Variants in LRRTM4 observed in about 807,000 individuals in gnomAD.
LRRTM4 encodes leucine rich repeat transmembrane neuronal 4, also known as leucine-rich repeat transmembrane neuronal protein 4.
In LRRTM4, 25 loss-of-function variants were observed where a neutral mutation model predicts 47.6. The ratio of observed to expected loss-of-function variants is 0.53; its 90% confidence interval spans 0.38 to 0.73. LRRTM4 has a LOEUF of 0.73. Ranked by LOEUF, LRRTM4 falls within the 30% of genes least tolerant of loss-of-function variation. The probability of loss-of-function intolerance (pLI) is 0.00; values close to 1 mark genes in which losing one functional copy is unlikely to be tolerated. For synonymous variants in LRRTM4, 311 were observed against 269.5 expected, an observed-to-expected ratio of 1.15 and a Z score of -1.51; for missense variants, 638 against 713.4, an observed-to-expected ratio of 0.89 and a Z score of 1.20.
At chr2:77,273,765 C>A (rs1193459313) in intron 3 of LRRTM4, among the ~76,000 whole-genome samples, 1 of 152,094 alleles carries the variant, frequency 6.6e-6, no homozygotes, top group East Asian at 1.9e-4. Flanking sequence ...ATTTTTGACG[C>A]CATTTAGAAA....
chr2:77,358,262 T>G (rs1295041759), intron 3 of LRRTM4, among the ~76,000 whole-genome samples: 2 of 152,172 alleles, frequency 1.3e-5, no homozygotes, highest in Non-Finnish European at 2.9e-5. Flanking sequence ...CTGGCTTCTT[T>G]GCTGAGTAAA....
chr2:77,175,844 G>A (rs1459772165), intron 3 of LRRTM4, among the ~76,000 whole-genome samples: 8 of 152,096 alleles, frequency 5.3e-5, no homozygotes, highest in Non-Finnish European at 1.2e-4. Flanking sequence ...ATATTTAGCA[G>A]AGACGGGTTT....
At chr2:77,173,782 CT>C (rs373401625) in intron 3 of LRRTM4, among the ~76,000 whole-genome samples, 81 of 152,226 alleles carry the variant, frequency 5.3e-4, no homozygotes, top group African/African-American at 1.9e-3. Flanking sequence ...ACACATTCCC[CT>C]GTTCCATCAG....
At chr2:77,499,525 C>A (rs1678492230) in intron 3 of LRRTM4, among the ~76,000 whole-genome samples, 1 of 151,880 alleles carries the variant, frequency 6.6e-6, no homozygotes, top group African/African-American at 2.4e-5. Flanking sequence ...CATTAGCTGC[C>A]TAGTTCTGCA....
chr2:77,265,073 A>G (rs75401380), intron 3 of LRRTM4, among the ~76,000 whole-genome samples: 8,778 of 152,170 alleles, frequency 0.058, 908 homozygotes, highest in African/African-American at 0.2. Flanking sequence ...AAGGGCGATC[A>G]TGTCACTATA....
chr2:77,502,068 G>A lies in LRRTM4; in HGVS notation c.1551+16250C>T, dbSNP rs12105402. Among the ~76,000 whole-genome samples the A allele has an allele frequency of 8.6e-3, 1,296 of 151,186 alleles. 24 individuals are homozygous for A. The highest frequency in any genetic ancestry group is 0.03 in the African/African-American group (1,231 of 41,378). ...TAAATTTGCTTATCCTGAAAATGTC[G>A]AAAACACTACCAAAACAGAATTGGA... On this transcript the variant is annotated intron_variant, in intron 3 of 3. Coordinates refer to ENST00000409884, the MANE Select transcript of LRRTM4 (RefSeq NM_001134745.3).
chr2:76,789,516 CATA>C (rs1356232823), intron 3 of LRRTM4, among the ~76,000 whole-genome samples: 1 of 152,152 alleles, frequency 6.6e-6, no homozygotes, highest in Non-Finnish European at 1.5e-5. Flanking sequence ...AATTCAAAAA[CATA>C]ATGAGGGTTT....
intron 3 of LRRTM4, among the ~76,000 whole-genome samples, chr2:77,281,594 T>G (rs144442147): frequency 3.8e-4 from 58 of 151,958 alleles, no homozygotes; most frequent in African/African-American, 1.3e-3. Flanking sequence ...ACCAATCACA[T>G]TTGTGCTTTG....
At chr2:76,807,081 T>A (rs1676007222) in intron 3 of LRRTM4, among the ~76,000 whole-genome samples, 1 of 152,010 alleles carries the variant, frequency 6.6e-6, no homozygotes, top group Admixed American at 6.6e-5. Flanking sequence ...TGCTTCTACA[T>A]TCATGGGTGT....
chr2:77,240,480 A>AT (rs1369694032), intron 3 of LRRTM4, among the ~76,000 whole-genome samples: 1 of 152,012 alleles, frequency 6.6e-6, no homozygotes, highest in Non-Finnish European at 1.5e-5. Context: ...CTATACTAAC[A>AT]TACCTAAGAG....
intron 3 of LRRTM4, among the ~76,000 whole-genome samples, chr2:76,799,447 T>A (rs993902913): frequency 7.2e-6 from 1 of 138,094 alleles, no homozygotes; most frequent in African/African-American, 2.7e-5. Flanking sequence ...TGATGGGACG[T>A]ATCTCAAAAT....
At chr2:77,113,859 T>C (rs553627357) in intron 3 of LRRTM4, among the ~76,000 whole-genome samples, 1 of 152,136 alleles carries the variant, frequency 6.6e-6, no homozygotes, top group Admixed American at 6.5e-5. Flanking sequence ...CAGAGGCAAA[T>C]GCTGCAAAGG....
At chr2:76,797,782 C>A (rs9679622) in intron 3 of LRRTM4, among the ~76,000 whole-genome samples, 66,646 of 147,472 alleles carry the variant, frequency 0.45, 16,713 homozygotes, top group East Asian at 0.67. Flanking sequence ...TCTACCAAGC[C>A]AATGGAAAAC....
chr2:77,261,645 A>C (rs1447811445), intron 3 of LRRTM4, among the ~76,000 whole-genome samples: 1 of 152,022 alleles, frequency 6.6e-6, no homozygotes, highest in Admixed American at 6.6e-5. Flanking sequence ...CCAGGATCTA[A>C]CAGGATGCCT....
At chr2:76,749,086 T>C (rs1672755922) in intron 3 of LRRTM4, among the ~76,000 whole-genome samples, 170 bp from the exon 4 acceptor site, 1 of 152,244 alleles carries the variant, frequency 6.6e-6, no homozygotes, top group Non-Finnish European at 1.5e-5. Context: ...TAACTCAATA[T>C]TGTTTTGTCA....
intron 3 of LRRTM4, among the ~76,000 whole-genome samples, chr2:77,227,192 A>C (rs1674838992): frequency 6.6e-6 from 1 of 152,048 alleles, no homozygotes; most frequent in South Asian, 2.1e-4. Flanking sequence ...ATCTCCCTTA[A>C]GAATTTAACA....
At chr2:77,061,541 T>C (rs1405603749) in intron 3 of LRRTM4, among the ~76,000 whole-genome samples, 1 of 152,134 alleles carries the variant, frequency 6.6e-6, no homozygotes. Flanking sequence ...ATGACAAACA[T>C]TCAAATCTCT....
At chr2:77,272,123 T>C (rs1047941974) in intron 3 of LRRTM4, among the ~76,000 whole-genome samples, 4 of 152,190 alleles carry the variant, frequency 2.6e-5, no homozygotes, top group African/African-American at 9.6e-5. Flanking sequence ...GTGAGCATTA[T>C]AATCATTCCC....
intron 3 of LRRTM4, among the ~76,000 whole-genome samples, chr2:77,113,202 G>A (rs1458735676): frequency 6.6e-6 from 1 of 152,144 alleles, no homozygotes; most frequent in Non-Finnish European, 1.5e-5. Flanking sequence ...ATTTAGCTGA[G>A]CCTGCAGACG....
Sources: allele counts gnomAD v4.1 joint callset (sites outside exome capture counted in the v4.1 genomes callset), GRCh38; gene constraint gnomAD v4.1.1; transcripts MANE v1.5; gene names NCBI Gene and HGNC (gene_info 2026-07-23, HGNC 2026-07-21).